EEPD1: variants seen among roughly 807,000 people sequenced by gnomAD.
EEPD1 encodes the protein endonuclease/exonuclease/phosphatase family domain-containing protein 1.
In EEPD1, 17 loss-of-function variants were observed where a neutral mutation model predicts 46.3. The ratio of observed to expected loss-of-function variants is 0.37; its 90% confidence interval spans 0.25 to 0.55. EEPD1 has a LOEUF of 0.55. Ranked by LOEUF, EEPD1 falls within the 20% of genes least tolerant of loss-of-function variation. The probability of loss-of-function intolerance (pLI) is 0.83; values close to 1 mark genes in which losing one functional copy is unlikely to be tolerated. For synonymous variants in EEPD1, 313 were observed against 315.6 expected (o/e 0.99, Z 0.09); for missense variants, 673 against 745.6 (o/e 0.90, Z 1.13).
chr7:36,209,872 G>A (rs1024589348), intron 2 of EEPD1, among the ~76,000 whole-genome samples: 9 of 152,106 alleles, frequency 5.9e-5, no homozygotes, highest in African/African-American at 2.2e-4. Flanking sequence ...CCAACATTAG[G>A]GATCACATTT....
rs368250302 is a variant in EEPD1 at position 36,281,234 on chromosome 7, G to A, written c.1041+9G>A. The A allele has an allele frequency of 2.9e-5, 46 of 1,611,020 alleles. No individual in the cohort carries two copies. Among genetic ancestry groups the A allele is most frequent in the African/African-American group, 1.3e-4 (10 of 74,854 alleles). ...CGAGTCAGCTCCAGAAGGTACCCTC[G>A]TCTGCAAAGCCTGGCCTTTCCCTTC... On this transcript the variant is annotated intron_variant, in intron 4 of 7. Transcript: ENST00000242108.
intron 2 of EEPD1, among the ~76,000 whole-genome samples, chr7:36,166,894 G>A (rs951199472): frequency 1.3e-5 from 2 of 152,114 alleles, no homozygotes; most frequent in Non-Finnish European, 2.9e-5. Context: ...GATGTGTTTG[G>A]TTTTTAGGGC....
Position 36,154,395 on chromosome 7 carries a change from T to G in EEPD1, c.71T>G (p.Phe24Cys), listed in dbSNP as rs774200779. ...DPSDLSHSRK[F>C]SAACNFSNIL... ...TCGGACCTGTCCCATAGCCGCAAGT[T>G]CAGCGCAGCCTGTAACTTCAGCAAC... Residue 24 changes from phenylalanine (F) to cysteine (C), a missense_variant, in exon 2 of 8, where the codon TTC becomes TGC. Transcript: ENST00000242108. The surrounding 1 kb of genome is among the most constrained non-coding windows in gnomAD (Gnocchi z 4.2). 2.5e-6 allele frequency: 4 copies of G among 1,613,950 alleles called. No individual in the cohort carries two copies. Among genetic ancestry groups the G allele is most frequent in the Non-Finnish European group, 3.4e-6 (4 of 1,180,048 alleles).
At chr7:36,168,136 T>G (rs1371641246) in intron 2 of EEPD1, among the ~76,000 whole-genome samples, 1 of 152,230 alleles carries the variant, frequency 6.6e-6, no homozygotes, top group African/African-American at 2.4e-5. Context: ...GAGGGTTTCA[T>G]AAGGGCAGGA....
chr7:36,162,847 A>C (rs933549750), intron 2 of EEPD1, among the ~76,000 whole-genome samples: 57 of 152,298 alleles, frequency 3.7e-4, no homozygotes, highest in African/African-American at 1.4e-3. Flanking sequence ...CCTGAAATGC[A>C]GTGCTTAAGC....
Position 36,289,519 on chromosome 7 carries a change from T to TTG in EEPD1, c.1315+1754_1315+1755dup, listed in dbSNP as rs141662490. Reference sequence around the variant, plus strand: ...CATGTGTCAGAATTTCCTCACTTTTTTGTGTGTGTGTGTCGCCCAGGCTGG... The same window carrying TTG: ...CATGTGTCAGAATTTCCTCACTTTTTTGTGTGTGTGTGTGTCGCCCAGGCTGG... On this transcript the variant is annotated intron_variant, in intron 6 of 7. Coordinates refer to ENST00000242108, the MANE Select transcript of EEPD1 (RefSeq NM_030636.3). 3.9e-5 allele frequency among the ~76,000 whole-genome samples: 6 copies of TTG among 152,224 alleles called. No homozygotes were observed. In the South Asian group the frequency reaches 6.2e-4, roughly 16 times the overall value.
chr7:36,290,782 C>T (rs564604000), intron 6 of EEPD1, among the ~76,000 whole-genome samples: 2 of 152,188 alleles, frequency 1.3e-5, no homozygotes, highest in East Asian at 1.9e-4. Flanking sequence ...TTGTCATTGG[C>T]GTTTTATAAA....
chr7:36,238,170 T>C (rs2115781656), intron 2 of EEPD1, among the ~76,000 whole-genome samples: 1 of 152,260 alleles, frequency 6.6e-6, no homozygotes, highest in East Asian at 1.9e-4. Context: ...GCTAATGCAT[T>C]ATAATTAACA....
Position 36,153,318 on chromosome 7 carries a change from C to G in EEPD1, c.-549C>G, listed in dbSNP as rs1201843409. 2 of 151,628 alleles carry G rather than the reference C, an allele frequency of 1.3e-5. No homozygotes were observed. Among genetic ancestry groups the G allele is most frequent in the Non-Finnish European group, 2.9e-5 (2 of 67,948 alleles). 9.4% of individuals were successfully genotyped at this position (151,628 alleles called of 1,614,324 possible). A position where few individuals can be genotyped will look rare whatever the true frequency, so the allele number is the denominator to read the frequency against. ...GGCTGGTGCTGGGTCTGGACTGGCT[C>G]TGGCGGATCCCCGCCCGAGTTGGGC... On this transcript the variant is annotated 5_prime_UTR_variant, in exon 1 of 8. Transcript: ENST00000242108.
intron 3 of EEPD1, among the ~76,000 whole-genome samples, chr7:36,242,710 G>A (rs1786573618): frequency 6.6e-6 from 1 of 150,872 alleles, no homozygotes; most frequent in South Asian, 2.1e-4. Context: ...ATCACCTGAG[G>A]TCGGGAGTTC....
intron 2 of EEPD1, among the ~76,000 whole-genome samples, chr7:36,171,344 C>G (rs1433993011): frequency 6.6e-6 from 1 of 152,234 alleles, no homozygotes. Context: ...AGCCAAAACT[C>G]ATGTTGCTGG....
intron 2 of EEPD1, among the ~76,000 whole-genome samples, chr7:36,190,789 A>C (rs1457754626): frequency 6.6e-6 from 1 of 152,222 alleles, no homozygotes; most frequent in Non-Finnish European, 1.5e-5. Context: ...GGGATAAAGC[A>C]TGTAGCTTGG....
intron 6 of EEPD1, among the ~76,000 whole-genome samples, chr7:36,296,067 C>T (rs1222866894): frequency 2.7e-5 from 4 of 148,862 alleles, no homozygotes; most frequent in Non-Finnish European, 5.9e-5. Flanking sequence ...GAGATGCTCA[C>T]TTCAGCATTA....
chr7:36,219,561 G>A (rs1786095481), intron 2 of EEPD1, among the ~76,000 whole-genome samples: 1 of 147,324 alleles, frequency 6.8e-6, no homozygotes, highest in African/African-American at 2.5e-5. Flanking sequence ...AGAGGGGAAG[G>A]GAGGGGAGAG....
chr7:36,244,788 TTG>T (rs560643443), intron 3 of EEPD1, among the ~76,000 whole-genome samples: 3,387 of 106,416 alleles, frequency 0.032, 44 homozygotes, highest in Non-Finnish European at 0.048. Flanking sequence ...TTTTTTTTTT[TTG>T]GAGACGGAGT....
At chr7:36,269,605 A>G (rs1787071490) in intron 3 of EEPD1, among the ~76,000 whole-genome samples, 1 of 152,108 alleles carries the variant, frequency 6.6e-6, no homozygotes, top group Non-Finnish European at 1.5e-5. Flanking sequence ...GGTATATTAA[A>G]ACAAAGCAGG....
chr7:36,293,461 A>G (rs1303865866), intron 6 of EEPD1, among the ~76,000 whole-genome samples: 2 of 152,206 alleles, frequency 1.3e-5, no homozygotes, highest in East Asian at 3.9e-4. Context: ...ATGCTAAATC[A>G]GAATCTCTAC....
At chr7:36,273,115 A>T (rs1416254914) in intron 3 of EEPD1, among the ~76,000 whole-genome samples, 1 of 140,412 alleles carries the variant, frequency 7.1e-6, no homozygotes, top group African/African-American at 2.6e-5. Flanking sequence ...GTTGGAATGC[A>T]TTTGGTGCAT....
chr7:36,190,507 C>T (rs1785443740), intron 2 of EEPD1, among the ~76,000 whole-genome samples: 1 of 152,204 alleles, frequency 6.6e-6, no homozygotes, highest in African/African-American at 2.4e-5. Flanking sequence ...ATAATCCTGA[C>T]CAAGAAACAG....
Sources: allele counts gnomAD v4.1 joint callset (sites outside exome capture counted in the v4.1 genomes callset), GRCh38; gene constraint gnomAD v4.1.1; non-coding constraint Gnocchi (gnomAD v3.1); transcripts MANE v1.5; gene names NCBI Gene and HGNC (gene_info 2026-07-23, HGNC 2026-07-21).